The following KCNH8 variants were observed in gnomAD, a reference collection of about 807,000 sequenced individuals.
KCNH8 encodes potassium voltage-gated channel subfamily H member 8, also known as voltage-gated delayed rectifier potassium channel KCNH8.
A neutral mutation model predicts 103.6 loss-of-function variants in KCNH8; 70 were observed. The ratio of observed to expected loss-of-function variants is 0.68; its 90% CI spans 0.56 to 0.82. The LOEUF is 0.82. Ranked by LOEUF, KCNH8 falls within the 40% of genes least tolerant of loss-of-function variation. KCNH8 has a pLI of 0.00. For missense variants in KCNH8, 1,217 were observed against 1,329.9 expected, an observed-to-expected ratio of 0.92 and a Z score of 1.32; for synonymous variants, 498 against 489.4, an observed-to-expected ratio of 1.02 and a Z score of -0.23.
intron 15 of KCNH8, among the ~76,000 whole-genome samples, chr3:19,528,001 G>A (rs892120219): frequency 9.2e-5 from 14 of 151,910 alleles, no homozygotes; most frequent in Non-Finnish European, 1.9e-4. Flanking sequence ...TGAACAATTG[G>A]TTATGCAGAT....
intron 11 of KCNH8, among the ~76,000 whole-genome samples, chr3:19,480,129 C>A (rs1419122912): frequency 6.6e-6 from 1 of 152,170 alleles, no homozygotes; most frequent in East Asian, 1.9e-4. Context: ...GTAAACAATG[C>A]AAATAGATTT....
At chr3:19,418,085 T>C (rs4142701) in intron 7 of KCNH8, among the ~76,000 whole-genome samples, 115,676 of 152,146 alleles carry the variant, frequency 0.76, 44,992 homozygotes, top group African/African-American at 0.94. Context: ...TGAATCTCTC[T>C]GAAGGTGGCA....
At chr3:19,496,338 G>C (rs1004122593) in intron 11 of KCNH8, among the ~76,000 whole-genome samples, 3 of 152,110 alleles carry the variant, frequency 2.0e-5, no homozygotes, top group African/African-American at 7.2e-5. Context: ...ATTTGTTATA[G>C]ATGGCTCTTA....
intron 3 of KCNH8, among the ~76,000 whole-genome samples, chr3:19,332,566 T>C (rs2065525426): frequency 6.6e-6 from 1 of 152,212 alleles, no homozygotes; most frequent in South Asian, 2.1e-4. Flanking sequence ...GTATGTTAAG[T>C]ATACGTTTAA....
intron 11 of KCNH8, among the ~76,000 whole-genome samples, chr3:19,475,997 A>G (rs1189809889): frequency 1.3e-5 from 2 of 152,210 alleles, no homozygotes; most frequent in Non-Finnish European, 2.9e-5. Context: ...TACGTCTACT[A>G]CCTGTGAGAA....
At chr3:19,397,487 A>G (rs1046447572) in intron 7 of KCNH8, among the ~76,000 whole-genome samples, 2 of 151,514 alleles carry the variant, frequency 1.3e-5, no homozygotes, top group African/African-American at 2.4e-5. Context: ...AATGTGCTTC[A>G]TATATCTATA....
Position 19,451,343 on chromosome 3 carries a change from C to G in KCNH8, c.1764C>G (p.Ile588Met). The G allele has an allele frequency of 1.2e-6, 2 of 1,613,756 alleles. No individual in the cohort carries two copies. The highest frequency in any genetic ancestry group is 1.7e-6 in the Non-Finnish European group (2 of 1,179,746). The change falls in exon 10 of 16, where the codon ATC becomes ATG. Residue 588 changes from isoleucine (I) to methionine (M), a missense_variant. By Grantham distance (10) the Ile-to-Met change is conservative. Coordinates refer to ENST00000328405, the MANE Select transcript of KCNH8 (RefSeq NM_144633.3). ...GTCAAGGGGATGCTTTGCAGGCCAT[C>G]TACTTTGTATGCTCGGGCTCCATGG... is the stretch of plus-strand genomic sequence containing the variant. ...LLRQGDALQA[I>M]YFVCSGSMEV...
In KCNH8 at chr3:19,456,907, A is replaced by C. The variant is rs2067541836; in HGVS notation, c.1965A>C (p.Pro655=). 3 of 1,612,734 alleles carry C rather than the reference A, an allele frequency of 1.9e-6. No individual in the cohort carries two copies. The East Asian group carries it at 6.7e-5, about 36-fold the overall frequency. ...KGLFEVLDLY[P]EYAHKFVEDI... ...TCTTTGAAGTGCTAGACCTTTACCC[A>C]GAATATGCTCACAAATTCGTGGAAG... Residue 655 remains proline (P), a synonymous_variant, in exon 11 of 16, where the codon CCA becomes CCC. Transcript: ENST00000328405.
At chr3:19,483,269 C>T (rs899342394) in intron 11 of KCNH8, among the ~76,000 whole-genome samples, 2 of 152,108 alleles carry the variant, frequency 1.3e-5, no homozygotes, top group Admixed American at 6.5e-5. Context: ...TAGGTCCACA[C>T]GGTTTGCAAC....
At chr3:19,210,772 AG>A (rs2063763479) in intron 1 of KCNH8, among the ~76,000 whole-genome samples, 1 of 152,140 alleles carries the variant, frequency 6.6e-6, no homozygotes, top group African/African-American at 2.4e-5. Context: ...GAATCAAATG[AG>A]AGATAAAAAT....
intron 3 of KCNH8, among the ~76,000 whole-genome samples, chr3:19,339,004 T>C (rs990168525): frequency 3.3e-5 from 5 of 152,130 alleles, no homozygotes; most frequent in Non-Finnish European, 7.4e-5. Context: ...CTGATGTGTT[T>C]GTGGTTTATG....
At chr3:19,430,910 T>C (rs930573743) in intron 7 of KCNH8, among the ~76,000 whole-genome samples, 1 of 152,218 alleles carries the variant, frequency 6.6e-6, no homozygotes, top group African/African-American at 2.4e-5. Context: ...TTTCTAGATA[T>C]AGAATCATAT....
At chr3:19,393,381 A>G (rs2066467911) in intron 6 of KCNH8, among the ~76,000 whole-genome samples, 1 of 152,034 alleles carries the variant, frequency 6.6e-6, no homozygotes, top group African/African-American at 2.4e-5. Flanking sequence ...TCATCTGGAC[A>G]CCTAGGTTCA....
intron 1 of KCNH8, among the ~76,000 whole-genome samples, chr3:19,231,581 T>C (rs984875145): frequency 3.3e-5 from 5 of 152,196 alleles, no homozygotes; most frequent in African/African-American, 1.2e-4. Flanking sequence ...GGCTTAGGTA[T>C]ATAGTGTTGA....
chr3:19,431,451 G>A (rs1426554773), intron 7 of KCNH8, among the ~76,000 whole-genome samples: 1 of 151,940 alleles, frequency 6.6e-6, no homozygotes, highest in Non-Finnish European at 1.5e-5. Flanking sequence ...TTTCCTCTTT[G>A]TTTTACCTCT....
At chr3:19,364,833 C>T (rs1023813991) in intron 5 of KCNH8, among the ~76,000 whole-genome samples, 2 of 152,048 alleles carry the variant, frequency 1.3e-5, no homozygotes, top group Non-Finnish European at 2.9e-5. Context: ...TGTCAGTTCA[C>T]GTATTGCTTC....
chr3:19,256,361 A>G (rs537554849), intron 2 of KCNH8, among the ~76,000 whole-genome samples: 152 of 152,246 alleles, frequency 1.0e-3, no homozygotes, highest in African/African-American at 3.5e-3. Context: ...CAGTGTCAAT[A>G]CATAAGGCCT....
rs2069240229 is a variant in KCNH8, at chr3:19,534,840, A to C, written c.*741A>C. On this transcript the variant is annotated 3_prime_UTR_variant, in exon 16 of 16. Coordinates refer to ENST00000328405, the MANE Select transcript of KCNH8 (RefSeq NM_144633.3). ...AGTAGATCAAAAATTATTTATTACT[A>C]AGAGGATGTAGTTTCCAAAGGAATC... is the stretch of plus-strand genomic sequence containing the variant. 1 of 152,266 alleles carries C rather than the reference A, an allele frequency of 6.6e-6. No individual in the cohort carries two copies. The highest frequency in any genetic ancestry group is 2.4e-5 in the African/African-American group (1 of 41,450). 9.4% of individuals were successfully genotyped at this position (152,266 alleles called of 1,614,324 possible).
intron 2 of KCNH8, among the ~76,000 whole-genome samples, chr3:19,279,643 T>C (rs902699074): frequency 2.0e-5 from 3 of 152,000 alleles, no homozygotes; most frequent in African/African-American, 7.2e-5. Flanking sequence ...GAGCATATTT[T>C]ATATTCCATG....
Sources: allele counts gnomAD v4.1 joint callset (sites outside exome capture counted in the v4.1 genomes callset), GRCh38; gene constraint gnomAD v4.1.1; transcripts MANE v1.5; gene names NCBI Gene and HGNC (gene_info 2026-07-23, HGNC 2026-07-21).